The following RPL26L1 variants were observed in gnomAD, a reference collection of about 807,000 sequenced individuals.
RPL26L1 encodes the protein ribosomal protein L26 like 1, also known as ribosomal protein uL24-like.
Under a neutral mutation model 15.2 loss-of-function variants are expected in RPL26L1, and 8 were observed. That is an observed-to-expected ratio of 0.53 (90% CI 0.31 to 0.95). RPL26L1 has a LOEUF of 0.95. RPL26L1 is among the 40% of genes least tolerant of loss of function. RPL26L1 has a pLI of 0.05. For synonymous variants in RPL26L1, 51 were observed against 65.9 expected (o/e 0.77, Z 1.09); for missense variants, 146 against 190.9 (o/e 0.76, Z 1.39).
In RPL26L1 at chr5:172,959,458, C is replaced by T; in HGVS notation, c.-20C>T. 1 of 1,015,548 alleles carries T rather than the reference C, an allele frequency of 9.8e-7. No individual in the cohort carries two copies. The highest frequency in any genetic ancestry group is 1.2e-6 in the Non-Finnish European group (1 of 845,004). 62.9% of individuals were successfully genotyped at this position (1,015,548 alleles called of 1,614,324 possible). ...CCTGCGCACTCAGGGTCTGAGGCAG[C>T]TAGTAGCCGGGTGAGTGGAGGCTGG... is the stretch of plus-strand genomic sequence containing the variant. On this transcript the variant is annotated 5_prime_UTR_variant, in exon 1 of 4. Coordinates refer to ENST00000265100, the MANE Select transcript of RPL26L1 (RefSeq NM_016093.4).
chr5:172,961,488 C>T (rs1288034703), intron 2 of RPL26L1, among the ~76,000 whole-genome samples: 1 of 152,170 alleles, frequency 6.6e-6, no homozygotes, highest in Admixed American at 6.6e-5. Context: ...GGATTCACTT[C>T]CCTAGCCCAC....
At chr5:172,961,795 T>TC (rs1446868188) in intron 2 of RPL26L1, among the ~76,000 whole-genome samples, 1 of 152,208 alleles carries the variant, frequency 6.6e-6, no homozygotes, top group Non-Finnish European at 1.5e-5. Flanking sequence ...CTCTTTTATA[T>TC]CCCAGTCCAG....
In RPL26L1 at chr5:172,964,281, C is replaced by CCTTTTTTTTTTTTTTTTTT. The variant is rs1402885653; in HGVS notation, c.169-4178_169-4177insCTTTTTTTTTTTTTTTTTT. Among the ~76,000 whole-genome samples the CCTTTTTTTTTTTTTTTTTT allele has an allele frequency of 3.5e-3, 348 of 99,230 alleles. 77 individuals carry two copies. Among genetic ancestry groups the CCTTTTTTTTTTTTTTTTTT allele is most frequent in the Non-Finnish European group, 4.5e-3 (223 of 49,272 alleles). 65.1% of individuals were successfully genotyped at this position (99,230 alleles called of 152,430 possible). ...TGAGCCACAGTGTCTGGCCTGTTGC[C>CCTTTTTTTTTTTTTTTTTT]TTTTTTTTTTTTTTTTTTTTTGAGA... On this transcript the variant is annotated intron_variant, in intron 2 of 3. Coordinates refer to ENST00000265100, the MANE Select transcript of RPL26L1 (RefSeq NM_016093.4).
chr5:172,955,124 G>T (rs1314212044), upstream of RPL26L1: 3 of 343,342 alleles, frequency 8.7e-6, no homozygotes, highest in East Asian at 1.6e-4. Flanking sequence ...TAGTAGCTGT[G>T]GTTAGTTTTT....
upstream of RPL26L1, chr5:172,958,508 T>C (rs1561753425): frequency 1.1e-5 from 5 of 449,908 alleles, no homozygotes; most frequent in Admixed American, 2.4e-5. Context: ...ACACCTTGCA[T>C]AGAATAAACC....
At chr5:172,955,135 T>G (rs1764329004), upstream of RPL26L1, 3 of 329,576 alleles carry the variant, frequency 9.1e-6, no homozygotes, top group East Asian at 8.1e-5. Flanking sequence ...GTTAGTTTTT[T>G]TTTTTTTTTT....
At chr5:172,964,119 A>T (rs374080792) in intron 2 of RPL26L1, among the ~76,000 whole-genome samples, 2 of 129,904 alleles carry the variant, frequency 1.5e-5, no homozygotes, top group African/African-American at 5.3e-5. Flanking sequence ...ATATATATAT[A>T]TTTTAAATTA....
chr5:172,959,725 C>A, intron 1 of RPL26L1, 140 bp from the exon 2 acceptor site: 1 of 1,141,334 alleles, frequency 8.8e-7, no homozygotes, highest in Non-Finnish European at 1.3e-6. Flanking sequence ...TCGCATCTCT[C>A]TGTCCTCCCT....
intron 3 of RPL26L1, among the ~76,000 whole-genome samples, chr5:172,968,803 CT>C (rs539398008): frequency 1.1e-3 from 85 of 74,350 alleles, no homozygotes; most frequent in African/African-American, 3.0e-3. Context: ...ATGGCTGTGT[CT>C]TTTTTTTTTT....
At chr5:172,958,093 C>G (rs1179377417), upstream of RPL26L1, 2 of 298,206 alleles carry the variant, frequency 6.7e-6, no homozygotes, top group East Asian at 1.7e-4. Context: ...GGAGAAACCC[C>G]GTCTCTACTA....
intron 2 of RPL26L1, among the ~76,000 whole-genome samples, chr5:172,963,755 T>G (rs1183763448): frequency 1.3e-5 from 2 of 152,236 alleles, no homozygotes; most frequent in Non-Finnish European, 2.9e-5. Flanking sequence ...CACAGTAAAA[T>G]GCACAGGTCA....
At chr5:172,954,675 T>C, upstream of RPL26L1, 1 of 252,140 alleles carries the variant, frequency 4.0e-6, no homozygotes, top group South Asian at 4.2e-5. Flanking sequence ...AGATTTTTGG[T>C]TGGTTTATGT....
At position 172,969,683 on chromosome 5, in the gene RPL26L1, G is replaced by C; in HGVS notation, c.*142G>C. The C allele has an allele frequency of 1.3e-6, 1 of 763,248 alleles. No homozygotes were observed. The highest frequency in any genetic ancestry group is 2.8e-5 in the Admixed American group (1 of 35,222). The allele number at this position is 763,248 out of a possible 1,614,324, so 47.3% of individuals were successfully genotyped here. On this transcript the variant is annotated 3_prime_UTR_variant, in exon 4 of 4. Coordinates refer to ENST00000265100, the MANE Select transcript of RPL26L1 (RefSeq NM_016093.4). The stretch of plus-strand genomic sequence containing the variant: ...TGTAAATCTACTTTTGCAATTTTAA[G>C]TAATAATTTTATGAATAAAAATGGG...
chr5:172,954,888 A>T (rs1158572703), upstream of RPL26L1: 3 of 453,532 alleles, frequency 6.6e-6, no homozygotes, highest in South Asian at 4.7e-5. Flanking sequence ...TTTCTAAATC[A>T]GGATTACAGA....
At position 172,960,057 on chromosome 5, in the gene RPL26L1, GC is replaced by G; in HGVS notation, c.168+17del. On this transcript the variant is annotated intron_variant, in intron 2 of 3. Transcript: ENST00000265100. Reference sequence around the variant, plus strand: ...CGAGGTCCAGGTACGTCTCCCTCCGGCGCTAGTGGCGCTCGGACACCGTTGC... The same window carrying G: ...CGAGGTCCAGGTACGTCTCCCTCCGGGCTAGTGGCGCTCGGACACCGTTGC... The G allele has an allele frequency of 6.2e-7, 1 of 1,613,844 alleles. No homozygotes were observed. Among genetic ancestry groups the G allele is most frequent in the Non-Finnish European group, 8.5e-7 (1 of 1,179,914 alleles).
chr5:172,954,565 A>ACT (rs951455538), upstream of RPL26L1, among the ~76,000 whole-genome samples: 1 of 151,698 alleles, frequency 6.6e-6, no homozygotes, highest in African/African-American at 2.4e-5. Context: ...ACAGAGTGAA[A>ACT]CTCTGTCTCA....
At position 172,960,062 on chromosome 5, in the gene RPL26L1, A is replaced by C. The variant is rs551090423; in HGVS notation, c.168+21A>C. 73 of 1,613,810 alleles carry C rather than the reference A, an allele frequency of 4.5e-5. No individual in the cohort carries two copies. The South Asian group carries it at 7.1e-4, about 16-fold the overall frequency. On this transcript the variant is annotated intron_variant, in intron 2 of 3. Transcript: ENST00000265100. ...TCCAGGTACGTCTCCCTCCGGCGCT[A>C]GTGGCGCTCGGACACCGTTGCCTAA... is the stretch of plus-strand genomic sequence containing the variant.
chr5:172,968,803 C>CTGTT (rs1755573264), intron 3 of RPL26L1, among the ~76,000 whole-genome samples: 1 of 74,348 alleles, frequency 1.3e-5, no homozygotes, highest in African/African-American at 5.6e-5. Context: ...ATGGCTGTGT[C>CTGTT]TTTTTTTTTT....
chr5:172,957,664 G>A, upstream of RPL26L1: 1 of 221,306 alleles, frequency 4.5e-6, no homozygotes, highest in South Asian at 5.5e-5. Context: ...CCTTGGGGCA[G>A]GGCATGGGTT....
Sources: gnomAD v4.1 joint callset for allele counts (sites outside exome capture counted in the v4.1 genomes callset) on GRCh38, gnomAD v4.1.1 for gene constraint, MANE v1.5 for transcripts, NCBI Gene and HGNC (gene_info 2026-07-23, HGNC 2026-07-21) for gene names.